NRCAM: variants seen among roughly 807,000 people sequenced by gnomAD.
NRCAM encodes the protein NgCAM-related cell adhesion molecule.
Under a neutral mutation model 156.5 loss-of-function variants are expected in NRCAM, and 83 were observed. The ratio of observed to expected loss-of-function variants is 0.53; its 90% confidence interval spans 0.44 to 0.64. The LOEUF is 0.64. NRCAM is among the 30% of genes least tolerant of loss of function. The pLI is 0.00. For synonymous variants in NRCAM, 538 were observed against 563.9 expected (o/e 0.95, Z 0.65); for missense variants, 1,417 against 1,597.3 (o/e 0.89, Z 1.92).
intron 2 of NRCAM, among the ~76,000 whole-genome samples, chr7:108,392,510 G>C (rs1169861746): frequency 6.6e-6 from 1 of 152,116 alleles, no homozygotes; most frequent in Non-Finnish European, 1.5e-5. Flanking sequence ...CTTTGCGATG[G>C]GTTTGAACAT....
intron 8 of NRCAM, 23 bp from the exon 9 acceptor site, chr7:108,226,401 C>T: frequency 6.3e-7 from 1 of 1,586,322 alleles, no homozygotes. Context: ...AGAGAGATAT[C>T]AAGATTATTC....
chr7:108,219,669 T>G (rs1390282273), intron 11 of NRCAM, among the ~76,000 whole-genome samples: 2 of 152,088 alleles, frequency 1.3e-5, no homozygotes, highest in Non-Finnish European at 2.9e-5. Context: ...TATTAAAACT[T>G]TCAGCAAAAT....
chr7:108,367,656 T>A (rs989142203), intron 2 of NRCAM, among the ~76,000 whole-genome samples: 27 of 152,264 alleles, frequency 1.8e-4, no homozygotes, highest in African/African-American at 6.5e-4. Context: ...TAAACCCAAT[T>A]TTCTTTTCTT....
chr7:108,404,984 A>C (rs949464458), intron 1 of NRCAM, among the ~76,000 whole-genome samples: 8 of 152,246 alleles, frequency 5.3e-5, no homozygotes, highest in African/African-American at 1.9e-4. Flanking sequence ...CAAGAAAAGA[A>C]GGAAATGTGA....
intron 2 of NRCAM, among the ~76,000 whole-genome samples, chr7:108,360,930 T>C (rs1408242844): frequency 6.6e-6 from 1 of 152,136 alleles, no homozygotes; most frequent in Non-Finnish European, 1.5e-5. Context: ...TTTTTATATA[T>C]GACATCAAAA....
intron 3 of NRCAM, among the ~76,000 whole-genome samples, chr7:108,295,630 G>A (rs1195642850): frequency 6.6e-6 from 1 of 152,174 alleles, no homozygotes; most frequent in Non-Finnish European, 1.5e-5. Flanking sequence ...AGAGATTTAG[G>A]CTTCAACATA....
At chr7:108,164,588 G>C (rs1449140539) in intron 30 of NRCAM, among the ~76,000 whole-genome samples, 1 of 152,020 alleles carries the variant, frequency 6.6e-6, no homozygotes, top group Admixed American at 6.6e-5. Flanking sequence ...GCAGGAGCAG[G>C]AGCAGGGGCA....
chr7:108,256,551 C>G (rs2096671908), intron 3 of NRCAM, among the ~76,000 whole-genome samples: 1 of 151,624 alleles, frequency 6.6e-6, no homozygotes, highest in Non-Finnish European at 1.5e-5. Flanking sequence ...TATCTGCTGA[C>G]CTTCCCTCCA....
At chr7:108,409,708 C>A (rs971758784) in intron 1 of NRCAM, among the ~76,000 whole-genome samples, 4 of 152,106 alleles carry the variant, frequency 2.6e-5, no homozygotes, top group African/African-American at 9.7e-5. Flanking sequence ...CTGTAATAGA[C>A]CCTTATTTTA....
intron 2 of NRCAM, among the ~76,000 whole-genome samples, chr7:108,366,807 C>A (rs968516995): frequency 5.3e-5 from 8 of 152,194 alleles, no homozygotes; most frequent in Non-Finnish European, 1.0e-4. Flanking sequence ...CTGAGTCCAA[C>A]TCATTTGACT....
chr7:108,235,608 C>A (rs2094877797), intron 5 of NRCAM, among the ~76,000 whole-genome samples: 1 of 152,192 alleles, frequency 6.6e-6, no homozygotes, highest in Non-Finnish European at 1.5e-5. Flanking sequence ...CCACTGCTTG[C>A]ACAACTCCAT....
intron 2 of NRCAM, among the ~76,000 whole-genome samples, chr7:108,373,713 C>G (rs2099643629): frequency 6.6e-6 from 1 of 152,166 alleles, no homozygotes; most frequent in Non-Finnish European, 1.5e-5. Context: ...GAGGGCAAGA[C>G]TTGTGAACTT....
intron 1 of NRCAM, among the ~76,000 whole-genome samples, chr7:108,448,897 A>G (rs1032002333): frequency 6.6e-6 from 1 of 152,330 alleles, no homozygotes; most frequent in Non-Finnish European, 1.5e-5. Flanking sequence ...TCTGTGGACA[A>G]CACCACAACA....
intron 17 of NRCAM, among the ~76,000 whole-genome samples, chr7:108,193,601 C>T (rs935034483): frequency 1.4e-4 from 22 of 152,118 alleles, no homozygotes; most frequent in Admixed American, 1.4e-3. Flanking sequence ...AGAAAAACTC[C>T]CTATCCAAAT....
chr7:108,195,026 T>C (rs2074153906), intron 15 of NRCAM, among the ~76,000 whole-genome samples: 2 of 152,136 alleles, frequency 1.3e-5, no homozygotes, highest in South Asian at 2.1e-4. Context: ...GTGCAACAAG[T>C]ACTCAAGAGA....
rs751614501 is a variant in NRCAM, at chr7:108,299,149, T to TAAAA, written c.-107+13512_-107+13515dup. Among the ~76,000 whole-genome samples the TAAAA allele has an allele frequency of 6.2e-3, 495 of 80,128 alleles. 6 individuals carry two copies. The highest frequency in any genetic ancestry group is 0.014 in the South Asian group (22 of 1,612). The allele number at this position is 80,128 out of a possible 152,430, so 52.6% of individuals were successfully genotyped here. On this transcript the variant is annotated intron_variant, in intron 3 of 32. Transcript: ENST00000379028. ...AAGAAAGAAAGAAAGAAAAGAAAAG[T>TAAAA]AAAAAAAAAAAAAACCCAAAACACT... is the stretch of plus-strand genomic sequence containing the variant.
intron 14 of NRCAM, 121 bp from the exon 15 acceptor site, chr7:108,195,993 C>T: frequency 1.4e-6 from 1 of 692,840 alleles, no homozygotes; most frequent in Non-Finnish European, 2.6e-6. Flanking sequence ...ATCTATCTCT[C>T]TCCTTATGTT....
At chr7:108,299,104 T>TA (rs1563162798) in intron 3 of NRCAM, among the ~76,000 whole-genome samples, 8 of 4,830 alleles carry the variant, frequency 1.7e-3, no homozygotes, top group African/African-American at 4.3e-3. Flanking sequence ...AGACTCCATC[T>TA]CAAAAAAAAA....
At chr7:108,296,305 C>T (rs931188704) in intron 3 of NRCAM, among the ~76,000 whole-genome samples, 1 of 152,134 alleles carries the variant, frequency 6.6e-6, no homozygotes, top group Non-Finnish European at 1.5e-5. Flanking sequence ...CTTTACCCCT[C>T]TCCTCAGCTA....
Sources: allele counts gnomAD v4.1 joint callset (sites outside exome capture counted in the v4.1 genomes callset), GRCh38; gene constraint gnomAD v4.1.1; transcripts MANE v1.5; gene names NCBI Gene and HGNC (gene_info 2026-07-23, HGNC 2026-07-21).